The following CERCAM variants were observed in gnomAD, a reference collection of about 807,000 sequenced individuals.
CERCAM encodes the protein inactive glycosyltransferase 25 family member 3.
In CERCAM, 59 loss-of-function variants were observed where a neutral mutation model predicts 66.0. That is an observed-to-expected ratio of 0.89 (90% confidence interval 0.73 to 1.11). The LOEUF (loss-of-function observed/expected upper bound fraction) is 1.11. CERCAM is among the 50% of genes most tolerant of loss of function. The probability of loss-of-function intolerance (pLI) is 0.00; values close to 1 mark genes in which losing one functional copy is unlikely to be tolerated. For synonymous variants in CERCAM, 318 were observed against 343.6 expected (o/e 0.93, Z 0.83); for missense variants, 840 against 828.3 (o/e 1.01, Z -0.17).
At position 128,428,844 on chromosome 9, in the gene CERCAM, C is replaced by T. The variant is rs374092490; in HGVS notation, c.963+11C>T. ...ATAGGGTTTGACGAGGTAAGTCCCC[C>T]AGCCTGTGGGCTCGCTGTTAGGAGG... On this transcript the variant is annotated intron_variant, in intron 7 of 12. Coordinates refer to ENST00000372838, the MANE Select transcript of CERCAM (RefSeq NM_016174.5). 26 of 1,613,768 alleles carry T rather than the reference C, an allele frequency of 1.6e-5. No individual in the cohort carries two copies. Among genetic ancestry groups the T allele is most frequent in the Middle Eastern group, 1.6e-4 (1 of 6,084 alleles).
chr9:128,430,011 C>T (rs1018061694), intron 8 of CERCAM, among the ~76,000 whole-genome samples: 3 of 152,108 alleles, frequency 2.0e-5, no homozygotes, highest in African/African-American at 7.2e-5. Flanking sequence ...ACTCTGTTGC[C>T]TAGGCTGGTC....
upstream of CERCAM, chr9:128,420,768 C>T (rs555445323): frequency 1.2e-5 from 4 of 333,114 alleles, no homozygotes; most frequent in South Asian, 5.4e-4. This position sits in a 1 kb window ranked among gnomAD's most constrained non-coding sequence, Gnocchi z 5.0. Flanking sequence ...GGGTGCACTG[C>T]CCCGCCCTCT....
At chr9:128,421,474 T>C in intron 1 of CERCAM, 1 of 996,740 alleles carries the variant, frequency 1.0e-6, no homozygotes, top group Non-Finnish European at 1.2e-6. Flanking sequence ...GGGCCCAACG[T>C]GGCAGGGATC....
chr9:128,424,379 T>C (rs1377460677), intron 4 of CERCAM, 31 bp from the exon 5 acceptor site: 1 of 1,613,104 alleles, frequency 6.2e-7, no homozygotes, highest in South Asian at 1.1e-5. Flanking sequence ...AGGGGAGCCC[T>C]CTCACAGCCC....
chr9:128,425,643 C>G (rs1056954143), intron 5 of CERCAM, among the ~76,000 whole-genome samples: 3 of 151,918 alleles, frequency 2.0e-5, no homozygotes, highest in African/African-American at 7.3e-5. Context: ...TCCCGAGTAG[C>G]TGGGATTACA....
In CERCAM at chr9:128,434,605, G is replaced by C. The variant is rs766114209; in HGVS notation, c.1527G>C (p.Gln509His). The change falls in exon 11 of 13, where the codon CAG becomes CAC. Residue 509 changes from glutamine (Q) to histidine (H), a missense_variant. Transcript: ENST00000372838. The surrounding 1 kb of genome is among the most constrained non-coding windows in gnomAD (Gnocchi z 4.5). ...AGTTCCTGCCCATCATGTTCGACCA[G>C]CACCCCAAGTGAGGCTCTGATGGGG... is the stretch of plus-strand genomic sequence containing the variant. Reference protein sequence around the residue: ...VDEFLPIMFDQHPNEQYKAHF... With the variant: ...VDEFLPIMFDHHPNEQYKAHF... 18 of 1,598,872 alleles carry C rather than the reference G, an allele frequency of 1.1e-5. 1 individual carries two copies. In the South Asian group the frequency reaches 1.8e-4, roughly 16 times the overall value.
In CERCAM at chr9:128,435,783, G is replaced by C; in HGVS notation, c.1666G>C (p.Asp556His). 1 of 1,613,186 alleles carries C rather than the reference G, an allele frequency of 6.2e-7. No individual in the cohort carries two copies. Among genetic ancestry groups the C allele is most frequent in the Non-Finnish European group, 8.5e-7 (1 of 1,179,830 alleles). Residue 556 changes from aspartate (D) to histidine (H), a missense_variant, in exon 12 of 13, where the codon GAT becomes CAT. Physicochemically the swap from Asp to His is moderately conservative, Grantham distance 81. Coordinates refer to ENST00000372838, the MANE Select transcript of CERCAM (RefSeq NM_016174.5). The part of the protein sequence containing the change: ...LSDTETSSPW[D>H]DDSGRLISWS... The stretch of plus-strand genomic sequence containing the variant: ...TGACACGGAGACATCCTCTCCATGG[G>C]ATGATGACAGCGGCCGCCTCATCAG...
upstream of CERCAM, among the ~76,000 whole-genome samples, chr9:128,419,978 C>A (rs1833670076): frequency 6.6e-6 from 1 of 151,926 alleles, no homozygotes; most frequent in Non-Finnish European, 1.5e-5. Context: ...TCAAGCGATT[C>A]TCCTGCCTCA....
At chr9:128,422,096 C>G (rs1291279394) in intron 1 of CERCAM, 1 of 152,276 alleles carries the variant, frequency 6.6e-6, no homozygotes, top group East Asian at 1.9e-4. Context: ...CTTATTACAA[C>G]CTGGGGGTGG....
At chr9:128,435,580 G>A in intron 11 of CERCAM, 73 bp from the exon 12 acceptor site, 1 of 1,505,500 alleles carries the variant, frequency 6.6e-7, no homozygotes, top group Non-Finnish European at 8.9e-7. Context: ...CAAGGTGCCT[G>A]GCTCCGGGCA....
chr9:128,422,871 T>G lies in CERCAM; in HGVS notation c.201T>G (p.Cys67Trp), dbSNP rs1833742075. The change falls in exon 2 of 13, where the codon TGT becomes TGG. Residue 67 changes from cysteine to tryptophan, a missense_variant. Cys to Trp is a radical substitution (Grantham distance 215). Coordinates refer to ENST00000372838, the MANE Select transcript of CERCAM (RefSeq NM_016174.5). ...DYPRARMALW[C>W]ATDHNVDNTT... ...CCTTTTTTCTTCCCGTCCCCAGGTG[T>G]GCCACGGACCACAATGTGGACAACA... 1 of 1,613,992 alleles carries G rather than the reference T, an allele frequency of 6.2e-7. No individual in the cohort carries two copies. The highest frequency in any genetic ancestry group is 8.5e-7 in the Non-Finnish European group (1 of 1,179,954).
At position 128,434,658 on chromosome 9, in the gene CERCAM, C is replaced by T. The variant is rs201470860; in HGVS notation, c.1535+45C>T. ...CGGGCATGGCAGGGCAGAGGCGTCCCCTCCAGGAACTCACCTCAGTCAGCA... is the reference window on the plus strand; with the variant it reads ...CGGGCATGGCAGGGCAGAGGCGTCCTCTCCAGGAACTCACCTCAGTCAGCA... On this transcript the variant is annotated intron_variant, in intron 11 of 12. Transcript: ENST00000372838. The surrounding 1 kb of genome is among the most constrained non-coding windows in gnomAD (Gnocchi z 4.5). The T allele has an allele frequency of 1.8e-5, 28 of 1,557,288 alleles. No individual in the cohort carries two copies. The East Asian group carries it at 6.1e-4, about 34-fold the overall frequency.
At chr9:128,428,858 G>A (rs755962062) in intron 7 of CERCAM, 25 bp downstream of exon 7, 47 of 1,612,454 alleles carry the variant, frequency 2.9e-5, no homozygotes, top group Non-Finnish European at 3.6e-5. Context: ...CTGTGGGCTC[G>A]CTGTTAGGAG....
In CERCAM at chr9:128,434,370, G is replaced by C; in HGVS notation, c.1332-40G>C. 1 of 1,610,588 alleles carries C rather than the reference G, an allele frequency of 6.2e-7. No homozygotes were observed. Among genetic ancestry groups the C allele is most frequent in the Non-Finnish European group, 8.5e-7 (1 of 1,177,594 alleles). On this transcript the variant is annotated intron_variant, in intron 10 of 12. Coordinates refer to ENST00000372838, the MANE Select transcript of CERCAM (RefSeq NM_016174.5). The surrounding 1 kb of genome is among the most constrained non-coding windows in gnomAD (Gnocchi z 4.5). ...GTGTGGGAGGGTCCCATGACACCCA[G>C]GACCTAAGTGACTCCTGGGCCCCTT...
At chr9:128,435,235 G>C (rs1348172285) in intron 11 of CERCAM, among the ~76,000 whole-genome samples, 1 of 152,100 alleles carries the variant, frequency 6.6e-6, no homozygotes, top group Admixed American at 6.6e-5. Context: ...GACCTCAAGT[G>C]ATCTGCCTGC....
rs749485842 is a variant in CERCAM, at chr9:128,434,768, C to T, written c.1535+155C>T. ...CCAGGTCACCAAGGAGTGGCTCAGCCTAGCCTTAGAGTCAGTCCATTCTCG... is the reference window on the plus strand; with the variant it reads ...CCAGGTCACCAAGGAGTGGCTCAGCTTAGCCTTAGAGTCAGTCCATTCTCG... On this transcript the variant is annotated intron_variant, in intron 11 of 12. Transcript: ENST00000372838. The surrounding 1 kb of genome is among the most constrained non-coding windows in gnomAD (Gnocchi z 4.5). Among the ~76,000 whole-genome samples, 20 of 152,238 alleles carry T rather than the reference C, an allele frequency of 1.3e-4. No individual in the cohort carries two copies. The highest frequency in any genetic ancestry group is 3.3e-4 in the Admixed American group (5 of 15,294).
chr9:128,433,241 T>C (rs972114369), intron 9 of CERCAM, among the ~76,000 whole-genome samples: 1 of 135,542 alleles, frequency 7.4e-6, no homozygotes, highest in Non-Finnish European at 1.5e-5. Context: ...ATTGTGCCAC[T>C]GCACTCCAGC....
upstream of CERCAM, chr9:128,419,467 A>C (rs1833660557): frequency 6.6e-6 from 1 of 152,312 alleles, no homozygotes; most frequent in Admixed American, 6.5e-5. Flanking sequence ...CTGTCTTCCC[A>C]GCCCCAGGGC....
At chr9:128,421,318 C>T (rs1833704758) in intron 1 of CERCAM, 8 of 1,219,074 alleles carry the variant, frequency 6.6e-6, no homozygotes, top group Non-Finnish European at 8.2e-6. Context: ...TGGTCCCCTA[C>T]TCCTTCCTCT....
Sources: allele counts gnomAD v4.1 joint callset (sites outside exome capture counted in the v4.1 genomes callset), GRCh38; gene constraint gnomAD v4.1.1; non-coding constraint Gnocchi (gnomAD v3.1); transcripts MANE v1.5; gene names NCBI Gene and HGNC (gene_info 2026-07-23, HGNC 2026-07-21).